Variants in MYT1L observed in about 807,000 individuals in gnomAD.
MYT1L encodes myelin transcription factor 1 like, also known as myelin transcription factor 1-like protein.
In MYT1L, 12 loss-of-function variants were observed where a neutral mutation model predicts 126.7. The ratio of observed to expected loss-of-function variants is 0.09; its 90% CI spans 0.06 to 0.15. The LOEUF (loss-of-function observed/expected upper bound fraction) is 0.15. Among genes scored for constraint, MYT1L ranks in the 10% least tolerant of loss-of-function variants. The pLI, the probability that MYT1L is intolerant of heterozygous loss-of-function variation, is 1.00. For synonymous variants in MYT1L, 541 were observed against 604.2 expected (o/e 0.90, Z 1.53); for missense variants, 979 against 1,585.2 (o/e 0.62, Z 6.49).
intron 4 of MYT1L, among the ~76,000 whole-genome samples, chr2:2,041,967 CA>C (rs1343693390): frequency 6.6e-6 from 1 of 151,988 alleles, no homozygotes; most frequent in Non-Finnish European, 1.5e-5. Context: ...GCTCTTTTAC[CA>C]AAAAAATCAT....
chr2:2,256,497 C>T (rs1004228865), intron 2 of MYT1L, among the ~76,000 whole-genome samples: 3 of 152,188 alleles, frequency 2.0e-5, no homozygotes, highest in African/African-American at 7.2e-5. Context: ...GAACAGGAAC[C>T]ATCTGGCTCT....
intron 9 of MYT1L, among the ~76,000 whole-genome samples, chr2:1,924,578 G>A (rs1001403302): frequency 2.0e-4 from 30 of 152,226 alleles, no homozygotes; most frequent in African/African-American, 7.2e-4. Context: ...AAAAAGACTT[G>A]GAGTTCAATA....
At chr2:2,205,853 A>G (rs1448135541) in intron 2 of MYT1L, among the ~76,000 whole-genome samples, 1 of 152,122 alleles carries the variant, frequency 6.6e-6, no homozygotes, top group Non-Finnish European at 1.5e-5. Context: ...GGCCCTTTCA[A>G]TGTGGTTCTC....
chr2:2,093,715 T>C (rs975585064), intron 3 of MYT1L, among the ~76,000 whole-genome samples: 12 of 152,212 alleles, frequency 7.9e-5, no homozygotes, highest in Non-Finnish European at 1.3e-4. Flanking sequence ...TTTGTCAATT[T>C]TGGCTTTTGT....
intron 3 of MYT1L, among the ~76,000 whole-genome samples, chr2:2,163,746 A>G (rs1285026929): frequency 2.6e-5 from 4 of 151,868 alleles, no homozygotes; most frequent in South Asian, 2.1e-4. Flanking sequence ...TCAGAAAAAA[A>G]AAAAAAAGAA....
rs190273050 is a variant in MYT1L, at chr2:2,063,536, T to C, written c.-303-9413A>G. 5.3e-5 allele frequency among the ~76,000 whole-genome samples: 8 copies of C among 152,152 alleles called. No homozygotes were observed. The East Asian group carries it at 1.4e-3, about 26-fold the overall frequency. ...GAACTGGATTCTGAGCCAGATGACATGAACTTGGATTAAAAAAAAGAACAT... is the reference window on the plus strand; with the variant it reads ...GAACTGGATTCTGAGCCAGATGACACGAACTTGGATTAAAAAAAAGAACAT... On this transcript the variant is annotated intron_variant, in intron 3 of 24. Coordinates refer to ENST00000647738, the MANE Select transcript of MYT1L (RefSeq NM_001303052.2).
At chr2:2,245,015 G>C (rs1331340982) in intron 2 of MYT1L, among the ~76,000 whole-genome samples, 3 of 152,146 alleles carry the variant, frequency 2.0e-5, no homozygotes, top group African/African-American at 7.2e-5. Flanking sequence ...TACTCAACAG[G>C]AATGGACAAT....
At chr2:2,023,575 G>A (rs2065240494) in intron 4 of MYT1L, among the ~76,000 whole-genome samples, 1 of 151,950 alleles carries the variant, frequency 6.6e-6, no homozygotes, top group African/African-American at 2.4e-5. Flanking sequence ...CCCCACAGAG[G>A]CAGAACTCGG....
At chr2:2,217,592 G>A (rs1023764976) in intron 2 of MYT1L, among the ~76,000 whole-genome samples, 1 of 151,044 alleles carries the variant, frequency 6.6e-6, no homozygotes, top group Non-Finnish European at 1.5e-5. Context: ...CTGAAGGCAG[G>A]AGAATTGCTT....
chr2:2,005,861 CTGCTTTCTTTCCTGCA>C (rs1558712137), intron 4 of MYT1L, among the ~76,000 whole-genome samples: 2 of 129,192 alleles, frequency 1.5e-5, no homozygotes, highest in African/African-American at 3.0e-5. Context: ...TCTTTCCTGC[CTGCTTTCTTTCCTGCA>C]TGCGTTCTTT....
chr2:2,003,850 A>G (rs896177415), intron 4 of MYT1L, among the ~76,000 whole-genome samples: 1 of 151,526 alleles, frequency 6.6e-6, no homozygotes, highest in Non-Finnish European at 1.5e-5. Context: ...AGGCACCCTC[A>G]CTCCACTCCC....
At position 1,887,072 on chromosome 2, in the gene MYT1L, C is replaced by T. The variant is rs898122358; in HGVS notation, c.2642+416G>A. 2.0e-5 allele frequency: 8 copies of T among 406,694 alleles called. No individual in the cohort carries two copies. Among genetic ancestry groups the T allele is most frequent in the African/African-American group, 8.3e-5 (4 of 48,390 alleles). The allele number at this position is 406,694 out of a possible 1,614,324, so 25.2% of individuals were successfully genotyped here. On this transcript the variant is annotated intron_variant, in intron 17 of 24. Coordinates refer to ENST00000647738, the MANE Select transcript of MYT1L (RefSeq NM_001303052.2). This position sits in a 1 kb window ranked among gnomAD's most constrained non-coding sequence, Gnocchi z 4.8. ...ATGAAGTCACACCTTCTGTGTGAGG[C>T]GTAATTACCAGTCACATGACCACTC...
At position 1,889,265 on chromosome 2, in the gene MYT1L, G is replaced by A. The variant is rs369414007; in HGVS notation, c.2496C>T (p.Asp832=). Residue 832 remains aspartate, a synonymous_variant, in exon 16 of 25, where the codon GAC becomes GAT. Transcript: ENST00000647738. The surrounding 1 kb of genome is among the most constrained non-coding windows in gnomAD (Gnocchi z 4.1). ...DYTKMKPRRI[D]EDESKDITPE... ...CAGTAATGTCTTTGGACTCGTCCTC[G>A]TCTATCCTCCGGGGTTTCATTTTGG... 8.9e-5 allele frequency: 143 copies of A among 1,613,874 alleles called. No homozygotes were observed. In the East Asian group the frequency reaches 1.5e-3, roughly 17 times the overall value.
chr2:2,327,915 C>T (rs983225938), intron 1 of MYT1L, among the ~76,000 whole-genome samples: 1 of 152,090 alleles, frequency 6.6e-6, no homozygotes, highest in Admixed American at 6.6e-5. Flanking sequence ...TAAACAAAGT[C>T]TTTCAGATTG....
chr2:1,926,690 G>C (rs2054276659), intron 9 of MYT1L, among the ~76,000 whole-genome samples: 1 of 152,200 alleles, frequency 6.6e-6, no homozygotes, highest in Admixed American at 6.5e-5. Context: ...AGCCTGCTGA[G>C]TAGCTGGGAC....
At chr2:2,055,960 C>A (rs1461731415) in intron 3 of MYT1L, among the ~76,000 whole-genome samples, 2 of 152,202 alleles carry the variant, frequency 1.3e-5, no homozygotes, top group African/African-American at 2.4e-5. Context: ...GACCTGGAGA[C>A]CATCAGGCCA....
chr2:1,797,310 A>G (rs774895278), intron 23 of MYT1L, among the ~76,000 whole-genome samples: 15 of 151,596 alleles, frequency 9.9e-5, no homozygotes, highest in South Asian at 2.1e-4. Flanking sequence ...TGCAAGCTCC[A>G]CCTCCTGGGT....
chr2:1,842,050 T>C (rs192908065), intron 19 of MYT1L: 37 of 152,280 alleles, frequency 2.4e-4, no homozygotes, highest in African/African-American at 8.7e-4. Context: ...GAACCAGAAA[T>C]TGGGCAATCT....
intron 5 of MYT1L, among the ~76,000 whole-genome samples, chr2:1,980,937 C>A (rs2060561471): frequency 6.6e-6 from 1 of 152,094 alleles, no homozygotes; most frequent in Admixed American, 6.5e-5. Flanking sequence ...ATTGAATGGC[C>A]TCTACACCGG....
Sources: gnomAD v4.1 joint callset for allele counts (sites outside exome capture counted in the v4.1 genomes callset) on GRCh38, gnomAD v4.1.1 for gene constraint, Gnocchi (gnomAD v3.1) non-coding constraint, MANE v1.5 for transcripts, NCBI Gene and HGNC (gene_info 2026-07-23, HGNC 2026-07-21) for gene names.